CNTNAP2: variants seen among roughly 807,000 people sequenced by gnomAD.
The protein encoded by CNTNAP2 is contactin-associated protein-like 2.
Under a neutral mutation model 155.2 loss-of-function variants are expected in CNTNAP2, and 98 were observed. The ratio of observed to expected loss-of-function variants is 0.63; its 90% CI spans 0.54 to 0.75. The LOEUF (loss-of-function observed/expected upper bound fraction) is 0.75. CNTNAP2 is among the 30% of genes least tolerant of loss of function. The pLI, the probability that CNTNAP2 is intolerant of heterozygous loss-of-function variation, is 0.00. For synonymous variants in CNTNAP2, 651 were observed against 631.2 expected, an observed-to-expected ratio of 1.03 and a Z score of -0.47; for missense variants, 1,727 against 1,688.1, an observed-to-expected ratio of 1.02 and a Z score of -0.40.
At chr7:147,279,077 A>G (rs1190249074) in intron 8 of CNTNAP2, among the ~76,000 whole-genome samples, 1 of 151,582 alleles carries the variant, frequency 6.6e-6, no homozygotes, top group Non-Finnish European at 1.5e-5. Flanking sequence ...CCCTATCTTT[A>G]TGATATTATG....
At chr7:146,152,777 A>C (rs1212870252) in intron 1 of CNTNAP2, among the ~76,000 whole-genome samples, 1 of 152,154 alleles carries the variant, frequency 6.6e-6, no homozygotes, top group Non-Finnish European at 1.5e-5. Context: ...GAAGTACTTA[A>C]TAAACATATT....
chr7:148,373,989 G>A lies in CNTNAP2; in HGVS notation c.3476-9660G>A, dbSNP rs77913492. 6.1e-3 allele frequency among the ~76,000 whole-genome samples: 930 copies of A among 152,298 alleles called. 11 individuals carry two copies. Among genetic ancestry groups the A allele is most frequent in the African/African-American group, 0.021 (880 of 41,558 alleles). On this transcript the variant is annotated intron_variant, in intron 21 of 23. Transcript: ENST00000361727. Reference sequence around the variant, plus strand: ...ACATCATTTTATATGGCAAGGTCCCGAGATTCTAATTTTTTCTTGTGTTAA... The same window carrying A: ...ACATCATTTTATATGGCAAGGTCCCAAGATTCTAATTTTTTCTTGTGTTAA...
intron 21 of CNTNAP2, among the ~76,000 whole-genome samples, chr7:148,346,263 C>T (rs111289194): frequency 0.023 from 3,463 of 152,164 alleles, 43 homozygotes; most frequent in African/African-American, 0.043. Flanking sequence ...AAGATATTCC[C>T]GCTTTCTGTT....
At chr7:147,426,430 G>A (rs1325400718) in intron 10 of CNTNAP2, among the ~76,000 whole-genome samples, 1 of 152,016 alleles carries the variant, frequency 6.6e-6, no homozygotes, top group East Asian at 1.9e-4. Context: ...TCTGACCGTG[G>A]ATCTCAGGAG....
intron 21 of CNTNAP2, among the ~76,000 whole-genome samples, chr7:148,382,494 A>C (rs1585323998): frequency 6.8e-5 from 1 of 14,648 alleles, no homozygotes; most frequent in African/African-American, 1.1e-4. Flanking sequence ...CGGGAGTCAC[A>C]AGTTTTCTAC....
chr7:147,172,663 T>TA (rs35305258), intron 8 of CNTNAP2, among the ~76,000 whole-genome samples: 13 of 151,846 alleles, frequency 8.6e-5, no homozygotes, highest in African/African-American at 2.2e-4. Flanking sequence ...TACCTACCTT[T>TA]AAAAAAAAGC....
chr7:146,250,538 C>T (rs10487939), intron 1 of CNTNAP2, among the ~76,000 whole-genome samples: 4,602 of 152,242 alleles, frequency 0.03, 221 homozygotes, highest in African/African-American at 0.1. Context: ...CTTACTATGG[C>T]CAGCTTCACA....
intron 21 of CNTNAP2, among the ~76,000 whole-genome samples, chr7:148,307,411 C>T (rs370005697): frequency 6.6e-6 from 1 of 152,164 alleles, no homozygotes; most frequent in Non-Finnish European, 1.5e-5. Context: ...CAGTGCCAAC[C>T]GGGCTACTTC....
chr7:147,871,126 T>G (rs994218000), intron 13 of CNTNAP2, among the ~76,000 whole-genome samples: 2 of 152,194 alleles, frequency 1.3e-5, no homozygotes, highest in Non-Finnish European at 2.9e-5. Context: ...TTTGGTAATA[T>G]TTTGGAAAGT....
intron 13 of CNTNAP2, among the ~76,000 whole-genome samples, chr7:147,653,507 G>A (rs1470465855): frequency 6.6e-6 from 1 of 152,136 alleles, no homozygotes; most frequent in African/African-American, 2.4e-5. Flanking sequence ...CATTAGGGTA[G>A]GGACTTGCTT....
intron 12 of CNTNAP2, among the ~76,000 whole-genome samples, chr7:147,627,780 AAAC>A (rs1238224846): frequency 6.6e-6 from 1 of 151,742 alleles, no homozygotes; most frequent in Non-Finnish European, 1.5e-5. Flanking sequence ...CATAAAGAAA[AAAC>A]AATCACAACT....
chr7:147,670,056 A>C (rs1335834563), intron 13 of CNTNAP2, among the ~76,000 whole-genome samples: 1 of 152,174 alleles, frequency 6.6e-6, no homozygotes. Flanking sequence ...TCATGTATTG[A>C]AACTTTTGTT....
intron 13 of CNTNAP2, among the ~76,000 whole-genome samples, chr7:147,820,104 A>G (rs140248200): frequency 1.5e-4 from 23 of 152,234 alleles, no homozygotes; most frequent in Admixed American, 7.9e-4. Flanking sequence ...ACCTATTTAC[A>G]TATCCACCAG....
chr7:147,800,278 A>G (rs1230112035), intron 13 of CNTNAP2, among the ~76,000 whole-genome samples: 2 of 152,134 alleles, frequency 1.3e-5, no homozygotes, highest in Non-Finnish European at 2.9e-5. Context: ...TCCCAAAGTT[A>G]TTTGTATCAA....
intron 13 of CNTNAP2, among the ~76,000 whole-genome samples, chr7:147,747,268 T>A (rs772410099): frequency 1.0e-3 from 153 of 152,322 alleles, no homozygotes; most frequent in Non-Finnish European, 1.9e-3. Flanking sequence ...ATGATTTTTC[T>A]CATCAGTCCT....
chr7:147,974,374 C>T (rs543287840), intron 14 of CNTNAP2, among the ~76,000 whole-genome samples: 1 of 152,248 alleles, frequency 6.6e-6, no homozygotes, highest in Non-Finnish European at 1.5e-5. Flanking sequence ...CTTTGGGAGG[C>T]TGAGGTGGGC....
intron 11 of CNTNAP2, among the ~76,000 whole-genome samples, chr7:147,518,320 A>G (rs201147966): frequency 1.3e-5 from 2 of 152,184 alleles, no homozygotes; most frequent in Non-Finnish European, 2.9e-5. Flanking sequence ...TAGAAAAAAA[A>G]GGAGAATGTG....
intron 3 of CNTNAP2, among the ~76,000 whole-genome samples, chr7:146,925,714 T>G (rs1326004834): frequency 2.0e-5 from 3 of 152,146 alleles, no homozygotes; most frequent in African/African-American, 7.2e-5. Flanking sequence ...CTCTAAGCTC[T>G]ATTAAATTCC....
intron 2 of CNTNAP2, among the ~76,000 whole-genome samples, chr7:146,825,555 T>G (rs1803383973): frequency 6.6e-6 from 1 of 152,156 alleles, no homozygotes; most frequent in Admixed American, 6.6e-5. Flanking sequence ...CCTTTGTATT[T>G]CTTCCTCAAA....
Sources: allele counts gnomAD v4.1 joint callset (sites outside exome capture counted in the v4.1 genomes callset), GRCh38; gene constraint gnomAD v4.1.1; transcripts MANE v1.5; gene names NCBI Gene and HGNC (gene_info 2026-07-23, HGNC 2026-07-21).